Variants in SGSM2 observed in about 807,000 individuals in gnomAD.
The protein encoded by SGSM2 is RUN and TBC1 domain containing 1.
In SGSM2, 89 loss-of-function variants were observed where a neutral mutation model predicts 126.6. The observed-to-expected ratio is 0.70, with a 90% CI of 0.59 to 0.84. The LOEUF (loss-of-function observed/expected upper bound fraction) is 0.84. Ranked by LOEUF, SGSM2 falls within the 40% of genes least tolerant of loss-of-function variation. The pLI is 0.00. For synonymous variants in SGSM2, 614 were observed against 574.3 expected, an observed-to-expected ratio of 1.07 and a Z score of -0.99; for missense variants, 1,404 against 1,416.6, an observed-to-expected ratio of 0.99 and a Z score of 0.14.
intron 2 of SGSM2, among the ~76,000 whole-genome samples, chr17:2,353,591 T>C (rs546291797): frequency 6.6e-6 from 1 of 152,146 alleles, no homozygotes; most frequent in African/African-American, 2.4e-5. Context: ...GGTGAAACCC[T>C]GTCTCTACTA....
In SGSM2 at chr17:2,363,412, G is replaced by T; in HGVS notation, c.673-53G>T. 1 of 1,607,332 alleles carries T rather than the reference G, an allele frequency of 6.2e-7. No individual in the cohort carries two copies. The highest frequency in any genetic ancestry group is 8.5e-7 in the Non-Finnish European group (1 of 1,179,058). ...AGCATGGAAGCGTGAGGGTTCCCAA[G>T]CCTTGAGGCCAGTTTCCCAAGGCTG... On this transcript the variant is annotated intron_variant, in intron 6 of 23. Coordinates refer to ENST00000268989, the MANE Select transcript of SGSM2 (RefSeq NM_014853.3). The surrounding 1 kb of genome is among the most constrained non-coding windows in gnomAD (Gnocchi z 4.2).
chr17:2,351,004 G>A (rs2064822190), intron 2 of SGSM2, among the ~76,000 whole-genome samples: 1 of 152,148 alleles, frequency 6.6e-6, no homozygotes, highest in Non-Finnish European at 1.5e-5. Context: ...TGTAATCCCA[G>A]CACTTTGGGA....
chr17:2,370,313 G>GT (rs1407667392), intron 12 of SGSM2, among the ~76,000 whole-genome samples: 1 of 152,200 alleles, frequency 6.6e-6, no homozygotes, highest in African/African-American at 2.4e-5. Context: ...ACCTGCCAGA[G>GT]TCCCCCTTAA....
At chr17:2,373,297 C>T (rs373637604) in intron 16 of SGSM2, 34 bp from the exon 17 acceptor site, 81 of 1,595,780 alleles carry the variant, frequency 5.1e-5, no homozygotes, top group Non-Finnish European at 6.3e-5. Context: ...CTGGTGCACG[C>T]TTCCCCCATG....
rs1007939441 is a variant in SGSM2 at position 2,367,546 on chromosome 17, G to T, written c.1423+141G>T. 3 of 946,294 alleles carry T rather than the reference G, an allele frequency of 3.2e-6. No individual in the cohort carries two copies. The highest frequency in any genetic ancestry group is 4.7e-6 in the Non-Finnish European group (3 of 643,230). 58.6% of individuals were successfully genotyped at this position (946,294 alleles called of 1,614,324 possible). The stretch of plus-strand genomic sequence containing the variant: ...GGGCAGTTCCCTTCCATCGGGGGCA[G>T]ATCAGGGAGGGCAGAAGGAGGCCAG... On this transcript the variant is annotated intron_variant, in intron 12 of 23. Transcript: ENST00000268989. This position sits in a 1 kb window ranked among gnomAD's most constrained non-coding sequence, Gnocchi z 4.0.
intron 13 of SGSM2, 158 bp downstream of exon 13, chr17:2,371,573 A>C (rs1257625043): frequency 1.2e-6 from 1 of 830,830 alleles, no homozygotes; most frequent in African/African-American, 1.8e-5. Context: ...CGTGACTTAC[A>C]AGTTATGGAA....
chr17:2,369,235 C>T (rs2065743962), intron 12 of SGSM2, among the ~76,000 whole-genome samples: 1 of 152,196 alleles, frequency 6.6e-6, no homozygotes, highest in African/African-American at 2.4e-5. Flanking sequence ...TTCAGGCCTG[C>T]AACATGCTTG....
intron 2 of SGSM2, among the ~76,000 whole-genome samples, chr17:2,351,999 C>A (rs1307618690): frequency 4.6e-5 from 7 of 152,270 alleles, no homozygotes; most frequent in South Asian, 2.1e-4. Context: ...CACTACAAAT[C>A]CCTGGGTGGA....
rs558532279 is a variant in SGSM2, at chr17:2,373,210, C to G, written c.1918-121C>G. 31 of 1,541,976 alleles carry G rather than the reference C, an allele frequency of 2.0e-5. 1 individual carries two copies. In the South Asian group the frequency reaches 3.5e-4, roughly 17 times the overall value. On this transcript the variant is annotated intron_variant, in intron 16 of 23. Transcript: ENST00000268989. ...AGCATGGCAGGGCAGCTCCACCGTC[C>G]TTACCCTGAGGCCCGTCTTGAGTCT...
intron 2 of SGSM2, among the ~76,000 whole-genome samples, chr17:2,351,609 G>A (rs2064856680): frequency 6.6e-6 from 1 of 152,214 alleles, no homozygotes; most frequent in Admixed American, 6.5e-5. Flanking sequence ...ACAATGGGAT[G>A]TGTAGCATGG....
At position 2,362,771 on chromosome 17, in the gene SGSM2, T is replaced by C. The variant is rs1352004570; in HGVS notation, c.459-67T>C. On this transcript the variant is annotated intron_variant, in intron 4 of 23. Transcript: ENST00000268989. The surrounding 1 kb of genome is among the most constrained non-coding windows in gnomAD (Gnocchi z 4.9). ...TGGTCTTTGTGGGGATGTCCCTACC[T>C]GGTGAGCTTGACTGCCCTGGAATGA... 1 of 1,519,000 alleles carries C rather than the reference T, an allele frequency of 6.6e-7. No individual in the cohort carries two copies. Among genetic ancestry groups the C allele is most frequent in the East Asian group, 2.3e-5 (1 of 44,420 alleles). 94.1% of individuals were successfully genotyped at this position (1,519,000 alleles called of 1,614,324 possible).
At position 2,363,703 on chromosome 17, in the gene SGSM2, CG is replaced by C. The variant is rs926139151; in HGVS notation, c.807+111del. On this transcript the variant is annotated intron_variant, in intron 7 of 23. Coordinates refer to ENST00000268989, the MANE Select transcript of SGSM2 (RefSeq NM_014853.3). The surrounding 1 kb of genome is among the most constrained non-coding windows in gnomAD (Gnocchi z 4.2). ...CTTTCCTGAGGAGCTTGACCAGAGA[CG>C]GGGGGGAGAATGGCCCCAGCCTCCC... The C allele has an allele frequency of 1.9e-5, 28 of 1,475,972 alleles. No individual in the cohort carries two copies. Among genetic ancestry groups the C allele is most frequent in the South Asian group, 3.9e-5 (3 of 76,082 alleles). 91.4% of individuals were successfully genotyped at this position (1,475,972 alleles called of 1,614,324 possible).
In SGSM2 at chr17:2,375,863, G is replaced by A. The variant is rs527379774; in HGVS notation, c.2472G>A (p.Ala824=). ...GAGAGGAGCTTGCGGCTGTGTGTGC[G>A]GCTGCCTACACTGTGCGTACATGCT... ...EAGEELAAVC[A]AAYTIELLDT... The change falls in exon 18 of 24, where the codon GCG becomes GCA. Residue 824 remains alanine (A), a synonymous_variant. Coordinates refer to ENST00000268989, the MANE Select transcript of SGSM2 (RefSeq NM_014853.3). 1.6e-5 allele frequency: 24 copies of A among 1,523,836 alleles called. No individual in the cohort carries two copies. The East Asian group carries it at 1.8e-4, about 11-fold the overall frequency. 94.4% of individuals were successfully genotyped at this position (1,523,836 alleles called of 1,614,324 possible).
intron 2 of SGSM2, among the ~76,000 whole-genome samples, chr17:2,347,070 CAGAG>C (rs767722098): frequency 3.3e-5 from 5 of 150,866 alleles, no homozygotes; most frequent in African/African-American, 7.3e-5. Context: ...GCTTGGGCAA[CAGAG>C]AGAGAGAGAG....
At position 2,376,140 on chromosome 17, in the gene SGSM2, G is replaced by C. The variant is rs750390620; in HGVS notation, c.2488G>C (p.Glu830Gln). ...TGAGGGCCCTCCACTCTTCCAGATAGAATTACTGGACACTGTGGCCTTAAA... is the reference window on the plus strand; with the variant it reads ...TGAGGGCCCTCCACTCTTCCAGATACAATTACTGGACACTGTGGCCTTAAA... ...AAVCAAAYTI[E>Q]LLDTVALNLH... is the part of the protein sequence containing the mutation. Residue 830 changes from glutamate (E) to glutamine (Q), a missense_variant, in exon 19 of 24, where the codon GAA (glutamate) becomes CAA (glutamine). Glu to Gln is a conservative substitution (Grantham distance 29, BLOSUM62 2). Coordinates refer to ENST00000268989, the MANE Select transcript of SGSM2 (RefSeq NM_014853.3). The C allele has an allele frequency of 1.2e-6, 2 of 1,614,044 alleles. No homozygotes were observed. The highest frequency in any genetic ancestry group is 1.1e-5 in the South Asian group (1 of 91,080).
In SGSM2 at chr17:2,372,521, G is replaced by A. The variant is rs747575407; in HGVS notation, c.1788+33G>A. On this transcript the variant is annotated intron_variant, in intron 15 of 23. Transcript: ENST00000268989. The surrounding 1 kb of genome is among the most constrained non-coding windows in gnomAD (Gnocchi z 6.0). The stretch of plus-strand genomic sequence containing the variant: ...CCCTGGGGTTCCAGGGCCACAGGTC[G>A]AGGGGCTGGGGCGGGCAGGAGTGAG... 1.9e-5 allele frequency: 31 copies of A among 1,591,138 alleles called. No individual in the cohort carries two copies. The Admixed American group carries it at 4.3e-4, about 22-fold the overall frequency.
intron 2 of SGSM2, among the ~76,000 whole-genome samples, chr17:2,346,567 G>A (rs2064605648): frequency 6.6e-6 from 1 of 152,160 alleles, no homozygotes; most frequent in Admixed American, 6.5e-5. Context: ...TTTGTTGAGT[G>A]TTTGCTGTGG....
At chr17:2,340,751 A>ATT (rs1377282577) in intron 1 of SGSM2, among the ~76,000 whole-genome samples, 1 of 151,496 alleles carries the variant, frequency 6.6e-6, no homozygotes, top group Non-Finnish European at 1.5e-5. Context: ...CGCCCGGCTA[A>ATT]TTTTTTGTAT....
chr17:2,344,521 A>G (rs2064508603), intron 2 of SGSM2, among the ~76,000 whole-genome samples: 1 of 152,176 alleles, frequency 6.6e-6, no homozygotes, highest in Non-Finnish European at 1.5e-5. Context: ...CCCCTCATCC[A>G]GCAGCAGATC....
Sources: allele counts gnomAD v4.1 joint callset (sites outside exome capture counted in the v4.1 genomes callset), GRCh38; gene constraint gnomAD v4.1.1; non-coding constraint Gnocchi (gnomAD v3.1); transcripts MANE v1.5; gene names NCBI Gene and HGNC (gene_info 2026-07-23, HGNC 2026-07-21).